Variants in TFCP2L1 observed in about 807,000 individuals in gnomAD.
TFCP2L1 encodes transcription factor CP2 like 1.
A neutral mutation model predicts 72.2 loss-of-function variants in TFCP2L1; 12 were observed. The observed-to-expected ratio is 0.17, with a 90% confidence interval of 0.11 to 0.27. The LOEUF (loss-of-function observed/expected upper bound fraction) is 0.27. Ranked by LOEUF, TFCP2L1 falls within the 10% of genes least tolerant of loss-of-function variation. The pLI is 1.00. For missense variants in TFCP2L1, 488 were observed against 624.6 expected (o/e 0.78, Z 2.33); for synonymous variants, 260 against 251.0 (o/e 1.04, Z -0.34).
chr2:121,244,361 C>T (rs1216745247), intron 6 of TFCP2L1, among the ~76,000 whole-genome samples: 1 of 152,236 alleles, frequency 6.6e-6, no homozygotes, highest in East Asian at 1.9e-4. Context: ...GGAGGGGTGA[C>T]AGGCAGCTTG....
chr2:121,262,427 G>A (rs1686844726), intron 2 of TFCP2L1, among the ~76,000 whole-genome samples: 1 of 152,164 alleles, frequency 6.6e-6, no homozygotes, highest in South Asian at 2.1e-4. Context: ...TTGCACCACT[G>A]CACTCCAGCC....
rs1363328006 is a variant in TFCP2L1 at position 121,224,004 on chromosome 2, C to A, written c.*337G>T. The A allele has an allele frequency of 1.4e-5, 5 of 346,534 alleles. No homozygotes were observed. The Admixed American group carries it at 1.7e-4, about 12-fold the overall frequency. The allele number at this position is 346,534 out of a possible 1,614,324, so 21.5% of individuals were successfully genotyped here. The stretch of plus-strand genomic sequence containing the variant: ...CCAATACAGGCAGCACCAAGATACC[C>A]AATCAGCTTCCAACTAAGGGATGAG... On this transcript the variant is annotated 3_prime_UTR_variant, in exon 15 of 15. Coordinates refer to ENST00000263707, the MANE Select transcript of TFCP2L1 (RefSeq NM_014553.3).
intron 14 of TFCP2L1, among the ~76,000 whole-genome samples, chr2:121,224,980 A>G (rs11883624): frequency 0.34 from 48,905 of 143,514 alleles, 8,614 homozygotes; most frequent in South Asian, 0.49. Context: ...GCAAGACTCC[A>G]TCAAAAAAAA....
chr2:121,268,216 C>A (rs1038552323), intron 2 of TFCP2L1, among the ~76,000 whole-genome samples: 1 of 152,240 alleles, frequency 6.6e-6, no homozygotes, highest in South Asian at 2.1e-4. Flanking sequence ...TCACAAATTT[C>A]ACATTTTGGA....
chr2:121,266,557 G>C (rs1235404081), intron 2 of TFCP2L1, among the ~76,000 whole-genome samples: 1 of 152,194 alleles, frequency 6.6e-6, no homozygotes, highest in Non-Finnish European at 1.5e-5. Context: ...TTCCAGGCAG[G>C]CAGTTGCAGT....
chr2:121,231,780 G>A (rs1339813585), intron 13 of TFCP2L1, 46 bp downstream of exon 13: 17 of 1,600,688 alleles, frequency 1.1e-5, no homozygotes, highest in African/African-American at 4.0e-5. Context: ...CACTCCTCCC[G>A]TGGCCCAGAG....
intron 2 of TFCP2L1, among the ~76,000 whole-genome samples, chr2:121,264,497 C>T (rs1427574814): frequency 1.3e-5 from 2 of 152,208 alleles, no homozygotes; most frequent in East Asian, 3.9e-4. Flanking sequence ...AAGCCAGACT[C>T]GCAGTCCCCT....
At chr2:121,232,369 C>T (rs1303267514) in intron 12 of TFCP2L1, among the ~76,000 whole-genome samples, 1 of 152,040 alleles carries the variant, frequency 6.6e-6, no homozygotes, top group African/African-American at 2.4e-5. Flanking sequence ...AAACTCCTGA[C>T]CTCAGGTGAT....
chr2:121,247,005 G>C, intron 5 of TFCP2L1, 35 bp from the exon 6 acceptor site: 1 of 1,612,570 alleles, frequency 6.2e-7, no homozygotes, highest in Non-Finnish European at 8.5e-7. Context: ...TGGCAAGGAG[G>C]CACCAAGCAG....
In TFCP2L1 at chr2:121,237,629, A is replaced by G; in HGVS notation, c.997T>C (p.Phe333Leu). Residue 333 changes from phenylalanine (F) to leucine (L), a missense_variant, in exon 10 of 15, where the codon TTC becomes CTC. Phe to Leu is a conservative substitution (Grantham distance 22, BLOSUM62 0). Coordinates refer to ENST00000263707, the MANE Select transcript of TFCP2L1 (RefSeq NM_014553.3). ...ACAGTTCGGAGATGCTCACCTGAGA[A>G]GCTGGCAAAGAGCCGGCAGAACTGC... ...FSQFCRLFAS[F>L]SGADLLKMSR... The G allele has an allele frequency of 1.2e-6, 2 of 1,614,160 alleles. No homozygotes were observed. Among genetic ancestry groups the G allele is most frequent in the Non-Finnish European group, 1.7e-6 (2 of 1,180,018 alleles).
At chr2:121,231,799 C>A in intron 13 of TFCP2L1, 27 bp downstream of exon 13, 1 of 1,609,180 alleles carries the variant, frequency 6.2e-7, no homozygotes, top group Non-Finnish European at 8.5e-7. Flanking sequence ...AGCCCGTTGT[C>A]GGGGCAGGCC....
intron 2 of TFCP2L1, among the ~76,000 whole-genome samples, chr2:121,258,111 T>G (rs1686763271): frequency 6.6e-6 from 1 of 152,204 alleles, no homozygotes; most frequent in African/African-American, 2.4e-5. Context: ...ATGCTCCACC[T>G]CACTCATGTA....
chr2:121,278,019 C>T (rs1418731315), intron 2 of TFCP2L1, among the ~76,000 whole-genome samples: 1 of 144,638 alleles, frequency 6.9e-6, no homozygotes, highest in Non-Finnish European at 1.5e-5. Flanking sequence ...GAGGTAACTC[C>T]TTTTTCTCTC....
intron 6 of TFCP2L1, among the ~76,000 whole-genome samples, chr2:121,245,521 C>T (rs1333263572): frequency 6.6e-6 from 1 of 152,228 alleles, no homozygotes; most frequent in African/African-American, 2.4e-5. Flanking sequence ...CCAGCCACTT[C>T]TCCCTCCCAC....
intron 2 of TFCP2L1, among the ~76,000 whole-genome samples, chr2:121,275,568 CTTT>C (rs931104631): frequency 8.2e-5 from 10 of 121,732 alleles, no homozygotes; most frequent in Admixed American, 1.7e-4. Context: ...AGAAGTAAGT[CTTT>C]TTTTTTTTTT....
chr2:121,240,275 A>G, intron 7 of TFCP2L1: 1 of 985,310 alleles, frequency 1.0e-6, no homozygotes, highest in African/African-American at 1.7e-5. Flanking sequence ...AAAACATTCT[A>G]CTATGGAAGC....
intron 13 of TFCP2L1, among the ~76,000 whole-genome samples, chr2:121,230,475 G>A (rs1265527098): frequency 6.6e-6 from 1 of 151,392 alleles, no homozygotes; most frequent in Non-Finnish European, 1.5e-5. Context: ...CCCAGCCACA[G>A]CTCTATGTTT....
chr2:121,281,631 G>A (rs932911689), intron 1 of TFCP2L1, among the ~76,000 whole-genome samples: 11 of 152,112 alleles, frequency 7.2e-5, no homozygotes, highest in African/African-American at 2.4e-4. Flanking sequence ...ATCCACAAGC[G>A]ATCACTCATA....
At position 121,239,602 on chromosome 2, in the gene TFCP2L1, G is replaced by C. The variant is rs752795521; in HGVS notation, c.816C>G (p.Ser272=). ...TGTTTGGAGAACCATTGTAGCTTGG[G>C]GACGGGGCGCTGTTCACCTGGTAGG... ...DVAYQVNSAP[S]PSYNGSPNSF... The change falls in exon 8 of 15, where the codon TCC becomes TCG. Residue 272 remains serine (S), a synonymous_variant. Coordinates refer to ENST00000263707, the MANE Select transcript of TFCP2L1 (RefSeq NM_014553.3). 8.7e-6 allele frequency: 14 copies of C among 1,614,076 alleles called. No individual in the cohort carries two copies. In the African/African-American group the frequency reaches 1.9e-4, roughly 22 times the overall value.
Sources: allele counts gnomAD v4.1 joint callset (sites outside exome capture counted in the v4.1 genomes callset), GRCh38; gene constraint gnomAD v4.1.1; transcripts MANE v1.5; gene names NCBI Gene and HGNC (gene_info 2026-07-23, HGNC 2026-07-21).